Variants in CRAMP1 observed in about 807,000 individuals in gnomAD.
The protein encoded by CRAMP1 is protein cramped-like.
CRAMP1 carries 50 observed loss-of-function variants against 115.4 expected under a neutral mutation model. That is an observed-to-expected ratio of 0.43 (90% confidence interval 0.35 to 0.55). The LOEUF (loss-of-function observed/expected upper bound fraction) is 0.55. CRAMP1 is among the 20% of genes least tolerant of loss of function. The pLI, the probability that CRAMP1 is intolerant of heterozygous loss-of-function variation, is 0.01. For synonymous variants in CRAMP1, 866 were observed against 745.4 expected (o/e 1.16, Z -2.64); for missense variants, 1,679 against 1,721.7 (o/e 0.98, Z 0.44).
intron 3 of CRAMP1, 53 bp from the exon 4 acceptor site, chr16:1,632,159 G>A: frequency 6.6e-7 from 1 of 1,519,746 alleles, no homozygotes; most frequent in Non-Finnish European, 8.9e-7. Context: ...AGTTAACACA[G>A]AAAGCTGCAT....
At chr16:1,619,470 T>C (rs2036448409) in intron 2 of CRAMP1, among the ~76,000 whole-genome samples, 1 of 152,198 alleles carries the variant, frequency 6.6e-6, no homozygotes. Context: ...CGTGAGCCAC[T>C]GCGCCCGGCA....
chr16:1,667,910 C>A, intron 17 of CRAMP1, 52 bp from the exon 18 acceptor site: 2 of 1,207,892 alleles, frequency 1.7e-6, no homozygotes, highest in South Asian at 1.3e-5. Flanking sequence ...CTTCCCTTGT[C>A]ATGGGTTCTG....
chr16:1,623,186 G>A (rs1409903518), intron 2 of CRAMP1, among the ~76,000 whole-genome samples: 1 of 152,230 alleles, frequency 6.6e-6, no homozygotes, highest in Non-Finnish European at 1.5e-5. Flanking sequence ...TACTGAGGAT[G>A]TGTCATTTTT....
intron 2 of CRAMP1, among the ~76,000 whole-genome samples, chr16:1,619,409 G>A (rs2036447627): frequency 6.6e-6 from 1 of 152,126 alleles, no homozygotes; most frequent in Non-Finnish European, 1.5e-5. Context: ...TCGAACTCCT[G>A]AGCTCAGGTG....
At chr16:1,645,506 A>G (rs1186939559) in intron 6 of CRAMP1, 2 of 161,700 alleles carry the variant, frequency 1.2e-5, no homozygotes, top group Non-Finnish European at 2.8e-5. Flanking sequence ...CTTTTATCAC[A>G]ACTCATGAGG....
At chr16:1,627,294 C>A (rs781413170) in intron 3 of CRAMP1, among the ~76,000 whole-genome samples, 6 of 152,100 alleles carry the variant, frequency 3.9e-5, no homozygotes, top group Non-Finnish European at 8.8e-5. Context: ...TATAGGCACA[C>A]GCCGCCACAC....
At chr16:1,632,410 C>A (rs1453311363) in intron 4 of CRAMP1, 45 bp downstream of exon 4, 1 of 1,540,472 alleles carries the variant, frequency 6.5e-7, no homozygotes, top group East Asian at 2.4e-5. Context: ...ACAGGCAGGG[C>A]CGGCTTCTGC....
In CRAMP1 at chr16:1,655,292, G is replaced by C. The variant is rs1357197622; in HGVS notation, c.1111G>C (p.Val371Leu). The change falls in exon 9 of 21, where the codon GTG becomes CTG. Residue 371 changes from valine (V) to leucine (L), a missense_variant. By Grantham distance (32) the Val-to-Leu change is conservative (BLOSUM62 1). Coordinates refer to ENST00000397412, the MANE Select transcript of CRAMP1 (RefSeq NM_020825.4). ...FLKQKWALHE[V>L]RVRKTLEERQ... Reference sequence around the variant, plus strand: ...GAAGCAGAAGTGGGCGCTCCATGAGGTGCGAGTTGTATCCTTTTCCAGCTA... The same window carrying C: ...GAAGCAGAAGTGGGCGCTCCATGAGCTGCGAGTTGTATCCTTTTCCAGCTA... 1 of 1,613,848 alleles carries C rather than the reference G, an allele frequency of 6.2e-7. No individual in the cohort carries two copies. Among genetic ancestry groups the C allele is most frequent in the Non-Finnish European group, 8.5e-7 (1 of 1,179,714 alleles).
chr16:1,648,936 G>A (rs1480626989), intron 6 of CRAMP1, among the ~76,000 whole-genome samples: 1 of 152,096 alleles, frequency 6.6e-6, no homozygotes, highest in Non-Finnish European at 1.5e-5. Context: ...GCAGGCGCCT[G>A]TAGTCCCAGC....
intron 8 of CRAMP1, among the ~76,000 whole-genome samples, chr16:1,654,980 A>G (rs2036757318): frequency 6.6e-6 from 1 of 152,232 alleles, no homozygotes; most frequent in African/African-American, 2.4e-5. Flanking sequence ...CTGGCAAAGA[A>G]TACTTGGGAT....
rs753455308 is a variant in CRAMP1 at position 1,666,584 on chromosome 16, C to A, written c.3020C>A (p.Thr1007Asn). 5 of 1,613,832 alleles carry A rather than the reference C, an allele frequency of 3.1e-6. No individual in the cohort carries two copies. The South Asian group carries it at 5.5e-5, about 18-fold the overall frequency. The change falls in exon 16 of 21, where the codon ACC becomes AAC. Residue 1007 changes from threonine (T) to asparagine (N), a missense_variant. By Grantham distance (65) the Thr-to-Asn change is moderately conservative (BLOSUM62 0). Transcript: ENST00000397412. The surrounding 1 kb of genome is among the most constrained non-coding windows in gnomAD (Gnocchi z 5.0). ...DSTGTHQDGDTLPTVGGSDPF... is the reference protein window; with the variant it reads ...DSTGTHQDGDNLPTVGGSDPF... ...ACTGGAACTCACCAGGATGGAGACA[C>A]CCTCCCCACCGTGGGGGTGAGTATG... is the stretch of plus-strand genomic sequence containing the variant.
chr16:1,615,152 C>T (rs1004123926), intron 2 of CRAMP1, among the ~76,000 whole-genome samples, 167 bp downstream of exon 2: 1 of 152,246 alleles, frequency 6.6e-6, no homozygotes, highest in Admixed American at 6.5e-5. Flanking sequence ...CCCCTCTCTC[C>T]TTCGAAGAGG....
At chr16:1,632,049 G>A (rs1054601858) in intron 3 of CRAMP1, among the ~76,000 whole-genome samples, 163 bp from the exon 4 acceptor site, 1 of 152,190 alleles carries the variant, frequency 6.6e-6, no homozygotes, top group Admixed American at 6.5e-5. Context: ...GTTCCAGGGA[G>A]TCGAAGTTCA....
At chr16:1,655,143 A>G (rs2036759873) in intron 8 of CRAMP1, 76 bp from the exon 9 acceptor site, 1 of 1,308,498 alleles carries the variant, frequency 7.6e-7, no homozygotes, top group Admixed American at 1.7e-5. Flanking sequence ...TCCTGCTGTA[A>G]GCAGCCTCGG....
At chr16:1,668,684 C>G (rs1003682218) in intron 18 of CRAMP1, among the ~76,000 whole-genome samples, 22 of 152,194 alleles carry the variant, frequency 1.4e-4, no homozygotes, top group Non-Finnish European at 1.5e-5. Flanking sequence ...GGGCAGCTCA[C>G]CACCTTGCTG....
chr16:1,653,260 C>T, intron 8 of CRAMP1, 104 bp downstream of exon 8: 2 of 1,329,318 alleles, frequency 1.5e-6, no homozygotes, highest in African/African-American at 1.5e-5. Flanking sequence ...AGCAGGTCCA[C>T]CCCTATGCTC....
intron 3 of CRAMP1, among the ~76,000 whole-genome samples, chr16:1,626,440 C>T (rs2036509000): frequency 6.6e-6 from 1 of 152,184 alleles, no homozygotes; most frequent in African/African-American, 2.4e-5. Context: ...ATTCTCACCC[C>T]TTGTCTCTCA....
chr16:1,629,356 C>CG (rs2036530836), intron 3 of CRAMP1, among the ~76,000 whole-genome samples: 1 of 152,238 alleles, frequency 6.6e-6, no homozygotes, highest in South Asian at 2.1e-4. Context: ...GTTTCTATCT[C>CG]TTCACCCCAG....
intron 5 of CRAMP1, among the ~76,000 whole-genome samples, chr16:1,638,133 G>A (rs535437811): frequency 1.3e-5 from 2 of 152,052 alleles, no homozygotes; most frequent in Non-Finnish European, 1.5e-5. Flanking sequence ...ACACATGCTC[G>A]CGTGCACACA....
Sources: allele counts gnomAD v4.1 joint callset (sites outside exome capture counted in the v4.1 genomes callset), GRCh38; gene constraint gnomAD v4.1.1; non-coding constraint Gnocchi (gnomAD v3.1); transcripts MANE v1.5; gene names NCBI Gene and HGNC (gene_info 2026-07-23, HGNC 2026-07-21).